The following MED12L variants were observed in gnomAD, a reference collection of about 807,000 sequenced individuals.
MED12L encodes the protein mediator complex subunit 12L, also known as mediator of RNA polymerase II transcription subunit 12-like protein.
Under a neutral mutation model 281.3 loss-of-function variants are expected in MED12L, and 60 were observed. The ratio of observed to expected loss-of-function variants is 0.21; its 90% CI spans 0.17 to 0.26. The LOEUF (loss-of-function observed/expected upper bound fraction) is 0.26, where lower values mean the gene tolerates loss of function less well. Ranked by LOEUF, MED12L falls within the 10% of genes least tolerant of loss-of-function variation. MED12L has a pLI of 1.00. For missense variants in MED12L, 2,146 were observed against 2,680.9 expected (o/e 0.80, Z 4.41); for synonymous variants, 974 against 987.2 (o/e 0.99, Z 0.25).
intron 3 of MED12L, among the ~76,000 whole-genome samples, chr3:151,118,618 A>T (rs1195325534): frequency 1.3e-5 from 2 of 151,598 alleles, no homozygotes; most frequent in Admixed American, 1.3e-4. Flanking sequence ...TGTTGCAAAC[A>T]TCAACCATTG....
intron 6 of MED12L, 129 bp from the exon 7 acceptor site, chr3:151,158,560 T>G: frequency 3.4e-6 from 2 of 585,046 alleles, no homozygotes; most frequent in Non-Finnish European, 6.0e-6. Flanking sequence ...ATTTGGACTG[T>G]GAGCAATGAG....
At chr3:151,237,111 G>A (rs573077788) in intron 16 of MED12L, among the ~76,000 whole-genome samples, 382 of 145,016 alleles carry the variant, frequency 2.6e-3, no homozygotes, top group Non-Finnish European at 4.7e-3. Flanking sequence ...TACCAGTCTC[G>A]GCTAACTGCA....
At chr3:151,411,571 C>CT in intron 41 of MED12L, 64 bp downstream of exon 41, 1 of 1,378,104 alleles carries the variant, frequency 7.3e-7, no homozygotes, top group Non-Finnish European at 1.0e-6. Context: ...TCTTATGCTT[C>CT]TTATAGGGCA....
At chr3:151,253,466 TA>T (rs1423557834) in intron 16 of MED12L, among the ~76,000 whole-genome samples, 2 of 152,250 alleles carry the variant, frequency 1.3e-5, no homozygotes, top group African/African-American at 4.8e-5. Context: ...GGCCGTTTCC[TA>T]AGCCTGGCAT....
At chr3:151,201,306 T>C (rs1470244970) in intron 16 of MED12L, among the ~76,000 whole-genome samples, 1 of 152,144 alleles carries the variant, frequency 6.6e-6, no homozygotes, top group Non-Finnish European at 1.5e-5. Context: ...AACTTTGCTC[T>C]CAAAGCTTCC....
chr3:151,241,817 G>C (rs1236063136), intron 16 of MED12L: 3 of 155,056 alleles, frequency 1.9e-5, no homozygotes, highest in Non-Finnish European at 4.3e-5. Flanking sequence ...CCGGTCTACA[G>C]CTCCCAGCGT....
intron 16 of MED12L, among the ~76,000 whole-genome samples, chr3:151,320,851 T>G (rs1463211776): frequency 6.6e-6 from 1 of 152,232 alleles, no homozygotes; most frequent in East Asian, 1.9e-4. Flanking sequence ...AACTCCAATT[T>G]GGAACATCTC....
chr3:151,293,276 A>G (rs546808810), intron 16 of MED12L, among the ~76,000 whole-genome samples: 31 of 152,290 alleles, frequency 2.0e-4, no homozygotes, highest in African/African-American at 7.2e-4. Flanking sequence ...CTCTAAATGA[A>G]GTATTGTACT....
At chr3:151,368,929 T>G (rs891827781) in intron 25 of MED12L, among the ~76,000 whole-genome samples, 1 of 151,582 alleles carries the variant, frequency 6.6e-6, no homozygotes, top group Non-Finnish European at 1.5e-5. Flanking sequence ...GCCTGGCAAA[T>G]TTTTGTATTT....
At chr3:151,405,553 CTT>C (rs990653254) in intron 39 of MED12L, among the ~76,000 whole-genome samples, 3 of 152,192 alleles carry the variant, frequency 2.0e-5, no homozygotes, top group Non-Finnish European at 4.4e-5. Context: ...TGGAGGATCT[CTT>C]GAGTCCAGGA....
At chr3:151,375,351 A>T (rs1482174492) in intron 27 of MED12L, among the ~76,000 whole-genome samples, 1 of 152,154 alleles carries the variant, frequency 6.6e-6, no homozygotes, top group Non-Finnish European at 1.5e-5. Flanking sequence ...ATGATTTCTT[A>T]CTTTATTTAG....
chr3:151,330,929 T>C (rs564188844), intron 16 of MED12L, among the ~76,000 whole-genome samples: 3 of 152,344 alleles, frequency 2.0e-5, no homozygotes, highest in Non-Finnish European at 2.9e-5. Context: ...AAATTTAACC[T>C]ACAAAATTAA....
chr3:151,309,153 A>G (rs1287838524), intron 16 of MED12L, among the ~76,000 whole-genome samples: 1 of 151,680 alleles, frequency 6.6e-6, no homozygotes, highest in Non-Finnish European at 1.5e-5. Context: ...ACACACACAC[A>G]CACACAACGT....
At chr3:151,327,745 A>AG (rs1244065126) in intron 16 of MED12L, 146 of 329,148 alleles carry the variant, frequency 4.4e-4, no homozygotes, top group Middle Eastern at 8.4e-4. Flanking sequence ...AAAAAAAAAA[A>AG]AAAAGAAAGA....
intron 16 of MED12L, among the ~76,000 whole-genome samples, chr3:151,299,401 C>CTTTTCTTTTCTTTTCTTTTCT (rs1559999722): frequency 2.8e-4 from 2 of 7,210 alleles, no homozygotes. Flanking sequence ...TTTTCTTTTC[C>CTTTTCTTTTCTTTTCTTTTCT]CCTCCCCTCC....
intron 11 of MED12L, among the ~76,000 whole-genome samples, chr3:151,172,022 C>T (rs1038229333): frequency 2.0e-5 from 3 of 152,108 alleles, no homozygotes; most frequent in Non-Finnish European, 2.9e-5. Context: ...AGGGGAAGCA[C>T]CCCTATAAGA....
At chr3:151,417,842 T>C (rs1717798325) in intron 43 of MED12L, among the ~76,000 whole-genome samples, 1 of 152,168 alleles carries the variant, frequency 6.6e-6, no homozygotes. Flanking sequence ...AAAATATATA[T>C]ATGTTTGTGA....
At chr3:151,347,257 T>G (rs1241608254) in intron 16 of MED12L, among the ~76,000 whole-genome samples, 15 of 152,222 alleles carry the variant, frequency 9.9e-5, no homozygotes, top group Admixed American at 9.8e-4. Flanking sequence ...TATCTTCACC[T>G]CTGCCCTATT....
chr3:151,314,126 T>A lies in MED12L; in HGVS notation c.2251-35933T>A, dbSNP rs371421211. 9.2e-5 allele frequency among the ~76,000 whole-genome samples: 14 copies of A among 152,294 alleles called. No homozygotes were observed. The East Asian group carries it at 2.5e-3, about 27-fold the overall frequency. ...ATGGAAATCATTAGAAATTACTGTT[T>A]AAGAGAAACTATAGAATCATTGATA... On this transcript the variant is annotated intron_variant, in intron 16 of 44. Transcript: ENST00000687756.
Sources: gnomAD v4.1 joint callset for allele counts (sites outside exome capture counted in the v4.1 genomes callset) on GRCh38, gnomAD v4.1.1 for gene constraint, MANE v1.5 for transcripts, NCBI Gene and HGNC (gene_info 2026-07-23, HGNC 2026-07-21) for gene names.